The following LAMA4 variants were observed in gnomAD, a reference collection of about 807,000 sequenced individuals.
The protein encoded by LAMA4 is laminin subunit alpha 4.
In LAMA4, 127 loss-of-function variants were observed where a neutral mutation model predicts 207.1. The observed-to-expected ratio is 0.61, with a 90% CI of 0.53 to 0.71. The LOEUF is 0.71. Ranked by LOEUF, LAMA4 falls within the 30% of genes least tolerant of loss-of-function variation. LAMA4 has a pLI of 0.00. For missense variants in LAMA4, 2,093 were observed against 2,246.5 expected, an observed-to-expected ratio of 0.93 and a Z score of 1.38; for synonymous variants, 761 against 816.0, an observed-to-expected ratio of 0.93 and a Z score of 1.15.
At chr6:112,136,802 T>C (rs1779382100) in intron 24 of LAMA4, among the ~76,000 whole-genome samples, 1 of 152,208 alleles carries the variant, frequency 6.6e-6, no homozygotes, top group Admixed American at 6.5e-5. Flanking sequence ...GTTTTCATTC[T>C]ACTTTCTGAA....
chr6:112,164,624 T>C (rs1781277595), intron 13 of LAMA4, among the ~76,000 whole-genome samples: 1 of 152,220 alleles, frequency 6.6e-6, no homozygotes, highest in Non-Finnish European at 1.5e-5. Context: ...TAAAGTGATA[T>C]CTTTCGAAAG....
chr6:112,223,907 A>C lies in LAMA4; in HGVS notation c.196-7438T>G, dbSNP rs1583938364. Reference sequence around the variant, plus strand: ...CTAATCCTGCTTCTTTAGTGAAAACACAGAGGCTATTGGGTGGGAAATCTC... The same window carrying C: ...CTAATCCTGCTTCTTTAGTGAAAACCCAGAGGCTATTGGGTGGGAAATCTC... On this transcript the variant is annotated intron_variant, in intron 2 of 38. Coordinates refer to ENST00000230538, the MANE Select transcript of LAMA4 (RefSeq NM_001105206.3). Among the ~76,000 whole-genome samples, 3 of 152,374 alleles carry C rather than the reference A, an allele frequency of 2.0e-5. No homozygotes were observed. In the East Asian group the frequency reaches 5.8e-4, roughly 29 times the overall value.
intron 4 of LAMA4, among the ~76,000 whole-genome samples, chr6:112,206,102 A>C (rs888498589): frequency 3.9e-5 from 6 of 152,222 alleles, no homozygotes; most frequent in Admixed American, 3.9e-4. Flanking sequence ...TCATAAGCAT[A>C]GCACTTTTCT....
chr6:112,252,240 A>C (rs1254980660), intron 2 of LAMA4, among the ~76,000 whole-genome samples: 1 of 152,228 alleles, frequency 6.6e-6, no homozygotes, highest in African/African-American at 2.4e-5. Flanking sequence ...CTGTAACTTG[A>C]CCAAGGTCAA....
chr6:112,224,996 A>T (rs1185140515), intron 2 of LAMA4, among the ~76,000 whole-genome samples: 2 of 150,974 alleles, frequency 1.3e-5, no homozygotes, highest in Non-Finnish European at 2.9e-5. Context: ...GGCAGAAGCA[A>T]GTGGTTCATC....
At chr6:112,110,025 C>T (rs988360691) in intron 38 of LAMA4, among the ~76,000 whole-genome samples, 2 of 152,172 alleles carry the variant, frequency 1.3e-5, no homozygotes, top group Non-Finnish European at 2.9e-5. Context: ...ACCCTTCACC[C>T]TTAAGCCTCT....
chr6:112,200,265 A>G (rs1389438602), intron 5 of LAMA4: 1 of 455,176 alleles, frequency 2.2e-6, no homozygotes, highest in Non-Finnish European at 4.4e-6. Context: ...TATGTGGCCA[A>G]CAAACATATG....
At chr6:112,154,715 T>A in intron 16 of LAMA4, 136 bp downstream of exon 16, 2 of 696,816 alleles carry the variant, frequency 2.9e-6, no homozygotes, top group South Asian at 3.2e-5. Context: ...AACTTGACTC[T>A]GAGCAGGAAC....
chr6:112,249,001 GT>G (rs1376636103), intron 2 of LAMA4, among the ~76,000 whole-genome samples: 5 of 152,140 alleles, frequency 3.3e-5, no homozygotes, highest in Admixed American at 6.5e-5. Context: ...ACAAGTATTA[GT>G]TTTTTTCTTT....
chr6:112,153,929 C>A (rs929065383), intron 16 of LAMA4, among the ~76,000 whole-genome samples: 23 of 152,024 alleles, frequency 1.5e-4, no homozygotes, highest in African/African-American at 5.3e-4. Context: ...GTGCATTTAT[C>A]TTCTCTGTGT....
chr6:112,121,901 T>C (rs1778383651), intron 32 of LAMA4, 113 bp downstream of exon 32: 2 of 879,760 alleles, frequency 2.3e-6, no homozygotes, highest in Non-Finnish European at 3.9e-6. Context: ...GATAACATAA[T>C]AGGATTAAGG....
intron 31 of LAMA4, among the ~76,000 whole-genome samples, chr6:112,127,489 A>C (rs1421678416): frequency 6.6e-6 from 1 of 151,904 alleles, no homozygotes; most frequent in African/African-American, 2.4e-5. Context: ...CCATTCTAGG[A>C]ATAGTTGGGA....
intron 12 of LAMA4, chr6:112,172,347 G>A: frequency 4.7e-6 from 2 of 430,056 alleles, no homozygotes; most frequent in East Asian, 4.7e-5. Flanking sequence ...CCACTTGCAA[G>A]AATAACAGAC....
intron 12 of LAMA4, chr6:112,166,484 G>T (rs544229617): frequency 5.2e-4 from 79 of 152,600 alleles, no homozygotes; most frequent in African/African-American, 1.8e-3. Flanking sequence ...TTGAAAAAAG[G>T]TTGGTATTAT....
intron 5 of LAMA4, among the ~76,000 whole-genome samples, chr6:112,197,588 T>A (rs1158517228): frequency 2.0e-5 from 3 of 152,206 alleles, no homozygotes; most frequent in Non-Finnish European, 4.4e-5. Context: ...AAATAAATTT[T>A]CAAATACAAC....
At chr6:112,115,770 A>T (rs903589521) in intron 36 of LAMA4, 93 bp downstream of exon 36, 2 of 1,310,040 alleles carry the variant, frequency 1.5e-6, no homozygotes, top group Middle Eastern at 1.9e-4. Context: ...CAGTTAGGAA[A>T]GATTGATGAA....
chr6:112,133,224 TG>T, intron 27 of LAMA4, 124 bp downstream of exon 27: 1 of 1,018,662 alleles, frequency 9.8e-7, no homozygotes. Flanking sequence ...TTCTTCTTTC[TG>T]GTGGTGGCAG....
At chr6:112,200,019 T>C in intron 5 of LAMA4, 1 of 485,254 alleles carries the variant, frequency 2.1e-6, no homozygotes, top group East Asian at 6.2e-5. Flanking sequence ...CCAATGCTAA[T>C]GGCATTTCTG....
chr6:112,114,701 T>C lies in LAMA4; in HGVS notation c.5168A>G (p.Lys1723Arg), dbSNP rs1554322891. ...IRDFSTSVTP[K>R]QSLCDGRWHR... ...CCATCTGCCATCACAGAGACTCTGC[T>C]TGGGTGTAACTGAGGTGGAAAAATC... is the stretch of plus-strand genomic sequence containing the variant. Residue 1723 changes from lysine (K) to arginine (R), a missense_variant, in exon 37 of 39, where the codon AAG (lysine) becomes AGG (arginine). Lys to Arg is a conservative substitution (Grantham distance 26, BLOSUM62 2). Transcript: ENST00000230538. 1 of 1,613,376 alleles carries C rather than the reference T, an allele frequency of 6.2e-7. No homozygotes were observed. Among genetic ancestry groups the C allele is most frequent in the Non-Finnish European group, 8.5e-7 (1 of 1,179,434 alleles).
Sources: gnomAD v4.1 joint callset for allele counts (sites outside exome capture counted in the v4.1 genomes callset) on GRCh38, gnomAD v4.1.1 for gene constraint, MANE v1.5 for transcripts, NCBI Gene and HGNC (gene_info 2026-07-23, HGNC 2026-07-21) for gene names.